The following CDH4 variants were observed in gnomAD, a reference collection of about 807,000 sequenced individuals.
CDH4 encodes the protein cadherin-4.
Under a neutral mutation model 86.0 loss-of-function variants are expected in CDH4, and 33 were observed. The ratio of observed to expected loss-of-function variants is 0.38; its 90% CI spans 0.29 to 0.51. The LOEUF is 0.51. CDH4 is among the 20% of genes least tolerant of loss of function. The pLI, the probability that CDH4 is intolerant of heterozygous loss-of-function variation, is 0.86. For missense variants in CDH4, 1,114 were observed against 1,307.4 expected (o/e 0.85, Z 2.28); for synonymous variants, 555 against 549.4 (o/e 1.01, Z -0.14).
chr20:61,711,267 A>G lies in CDH4; in HGVS notation c.170-32296A>G, dbSNP rs368396329. ...GTTTGCTTCCCCTTCGCCTTCCGCCATGATTGTAAGTTTTCTGAGGCCTCC... is the reference window on the plus strand; with the variant it reads ...GTTTGCTTCCCCTTCGCCTTCCGCCGTGATTGTAAGTTTTCTGAGGCCTCC... On this transcript the variant is annotated intron_variant, in intron 2 of 15. Transcript: ENST00000614565. Among the ~76,000 whole-genome samples, 9 of 152,292 alleles carry G rather than the reference A, an allele frequency of 5.9e-5. No individual in the cohort carries two copies. The South Asian group carries it at 1.0e-3, about 18-fold the overall frequency.
intron 2 of CDH4, among the ~76,000 whole-genome samples, chr20:61,609,214 C>T (rs535547747): frequency 6.6e-5 from 10 of 152,318 alleles, no homozygotes; most frequent in South Asian, 2.1e-4. Flanking sequence ...AACACATGGA[C>T]GTGTTCCCGT....
In CDH4 at chr20:61,392,787, G is replaced by C. The variant is rs569533476; in HGVS notation, c.169+137850G>C. ...GGTATTGCACATTTATTTCCTAGCG[G>C]GGTAGAAACACTGGCCCCCCACGGT... On this transcript the variant is annotated intron_variant, in intron 2 of 15. Coordinates refer to ENST00000614565, the MANE Select transcript of CDH4 (RefSeq NM_001794.5). This position sits in a 1 kb window ranked among gnomAD's most constrained non-coding sequence, Gnocchi z 5.7. 3.0e-4 allele frequency among the ~76,000 whole-genome samples: 46 copies of C among 152,240 alleles called. No individual in the cohort carries two copies. Among genetic ancestry groups the C allele is most frequent in the African/African-American group, 9.9e-4 (41 of 41,536 alleles).
chr20:61,325,896 C>T (rs1349441370), intron 2 of CDH4, among the ~76,000 whole-genome samples: 1 of 152,174 alleles, frequency 6.6e-6, no homozygotes, highest in African/African-American at 2.4e-5. Context: ...TGGGTTGCCT[C>T]TTTTCCCACC....
chr20:61,713,602 AG>A (rs2087916697), intron 2 of CDH4, among the ~76,000 whole-genome samples: 1 of 152,230 alleles, frequency 6.6e-6, no homozygotes, highest in Admixed American at 6.5e-5. Context: ...GAGGGGCCAA[AG>A]ACTCCCCCAG....
At chr20:61,686,431 A>ATGTGCG (rs1442873229) in intron 2 of CDH4, among the ~76,000 whole-genome samples, 1 of 144,750 alleles carries the variant, frequency 6.9e-6, no homozygotes, top group Non-Finnish European at 1.5e-5. Context: ...TTGCGTGTGT[A>ATGTGCG]TGTGCGTGTG....
chr20:61,681,481 A>T lies in CDH4; in HGVS notation c.170-62082A>T, dbSNP rs1383256523. Among the ~76,000 whole-genome samples the T allele has an allele frequency of 6.6e-6, 1 of 151,974 alleles. No homozygotes were observed. Among genetic ancestry groups the T allele is most frequent in the Admixed American group, 6.6e-5 (1 of 15,254 alleles). ...TGTTGGCTTCTGAGCTCTTGTTCTG[A>T]GGGGTGGGAGAATTAGACAATCCTT... On this transcript the variant is annotated intron_variant, in intron 2 of 15. Coordinates refer to ENST00000614565, the MANE Select transcript of CDH4 (RefSeq NM_001794.5). The surrounding 1 kb of genome is among the most constrained non-coding windows in gnomAD (Gnocchi z 4.5).
chr20:61,802,657 G>T (rs1207879386), intron 4 of CDH4, among the ~76,000 whole-genome samples: 2 of 152,250 alleles, frequency 1.3e-5, no homozygotes, highest in African/African-American at 4.8e-5. Flanking sequence ...CTGCAGAATG[G>T]CTGCAAAGGA....
intron 6 of CDH4, among the ~76,000 whole-genome samples, chr20:61,857,852 C>A (rs1473454419): frequency 6.6e-6 from 1 of 152,150 alleles, no homozygotes; most frequent in Admixed American, 6.5e-5. Context: ...TACTAGGATC[C>A]CACCCGTTTG....
chr20:61,500,228 A>C (rs1458872189), intron 2 of CDH4, among the ~76,000 whole-genome samples: 1 of 152,222 alleles, frequency 6.6e-6, no homozygotes, highest in Admixed American at 6.5e-5. Flanking sequence ...CATAAGCTGC[A>C]CTGGGAAATG....
At chr20:61,334,684 G>T (rs1425844006) in intron 2 of CDH4, among the ~76,000 whole-genome samples, 1 of 152,194 alleles carries the variant, frequency 6.6e-6, no homozygotes, top group Admixed American at 6.5e-5. Context: ...GCTGGGGCTG[G>T]GTTTCAACAT....
At chr20:61,613,179 T>C (rs566027019) in intron 2 of CDH4, among the ~76,000 whole-genome samples, 48 of 152,164 alleles carry the variant, frequency 3.2e-4, no homozygotes, top group African/African-American at 1.1e-3. Context: ...TGCCCCCTCT[T>C]GGTTTCACAC....
At chr20:61,728,277 A>C (rs1306586618) in intron 2 of CDH4, among the ~76,000 whole-genome samples, 1 of 152,214 alleles carries the variant, frequency 6.6e-6, no homozygotes, top group Non-Finnish European at 1.5e-5. Context: ...TGTGTCTTGC[A>C]TCCAGGAAGC....
At chr20:61,491,810 T>C (rs1019197245) in intron 2 of CDH4, among the ~76,000 whole-genome samples, 2 of 152,090 alleles carry the variant, frequency 1.3e-5, no homozygotes, top group African/African-American at 4.8e-5. Flanking sequence ...ATGTTGGTGG[T>C]GCCATTGTTG....
Position 61,754,601 on chromosome 20 carries a change from CCACACACACGGTGCACGGCACACACACCA to C in CDH4, c.396+10823_396+10851del, listed in dbSNP as rs952588481. On this transcript the variant is annotated intron_variant, in intron 3 of 15. Coordinates refer to ENST00000614565, the MANE Select transcript of CDH4 (RefSeq NM_001794.5). The surrounding 1 kb of genome is among the most constrained non-coding windows in gnomAD (Gnocchi z 4.7). Reference sequence around the variant, plus strand: ...AGGTGCAGGCACACTGCCCGGAACACCACACACACGGTGCACGGCACACACACCACACACACACGCCCCACACACCACAC... The same window carrying C: ...AGGTGCAGGCACACTGCCCGGAACACCACACACACGCCCCACACACCACAC... Among the ~76,000 whole-genome samples, 3 of 142,670 alleles carry C rather than the reference CCACACACACGGTGCACGGCACACACACCA, an allele frequency of 2.1e-5. No individual in the cohort carries two copies. The highest frequency in any genetic ancestry group is 9.2e-5 in the African/African-American group (3 of 32,444). 93.6% of individuals were successfully genotyped at this position (142,670 alleles called of 152,430 possible).
At chr20:61,560,627 C>T (rs1230210229) in intron 2 of CDH4, among the ~76,000 whole-genome samples, 1 of 152,248 alleles carries the variant, frequency 6.6e-6, no homozygotes, top group Non-Finnish European at 1.5e-5. Flanking sequence ...ACAGCAGCCC[C>T]ACCCGCGGGG....
intron 2 of CDH4, among the ~76,000 whole-genome samples, chr20:61,334,220 T>A (rs1221010046): frequency 2.6e-5 from 4 of 152,222 alleles, no homozygotes; most frequent in Non-Finnish European, 5.9e-5. Context: ...TCTCTGTCAT[T>A]ATAAAACCTC....
intron 2 of CDH4, among the ~76,000 whole-genome samples, chr20:61,331,646 C>CTGA (rs1568801180): frequency 3.5e-4 from 21 of 60,486 alleles, no homozygotes; most frequent in African/African-American, 4.7e-4. Flanking sequence ...GACCCACCTC[C>CTGA]CGCCCCAGCC....
At chr20:61,548,883 C>T (rs914541524) in intron 2 of CDH4, among the ~76,000 whole-genome samples, 2 of 151,920 alleles carry the variant, frequency 1.3e-5, no homozygotes, top group African/African-American at 4.8e-5. Context: ...GAAAAGATGG[C>T]TCGTTCAGGG....
At chr20:61,639,002 G>A (rs1414524974) in intron 2 of CDH4, among the ~76,000 whole-genome samples, 1 of 152,232 alleles carries the variant, frequency 6.6e-6, no homozygotes, top group Non-Finnish European at 1.5e-5. Flanking sequence ...AGCCAAGGCT[G>A]CCTAGTCATG....
Sources: gnomAD v4.1 joint callset for allele counts (sites outside exome capture counted in the v4.1 genomes callset) on GRCh38, gnomAD v4.1.1 for gene constraint, Gnocchi (gnomAD v3.1) non-coding constraint, MANE v1.5 for transcripts, NCBI Gene and HGNC (gene_info 2026-07-23, HGNC 2026-07-21) for gene names.